GRIK5: variants seen among roughly 807,000 people sequenced by gnomAD.
The protein encoded by GRIK5 is glutamate ionotropic receptor kainate type subunit 5.
In GRIK5, 43 loss-of-function variants were observed where a neutral mutation model predicts 97.4. That is an observed-to-expected ratio of 0.44 (90% CI 0.35 to 0.57). The LOEUF (loss-of-function observed/expected upper bound fraction) is 0.57. GRIK5 is among the 20% of genes least tolerant of loss of function. GRIK5 has a pLI of 0.01. For synonymous variants in GRIK5, 580 were observed against 583.5 expected, an observed-to-expected ratio of 0.99 and a Z score of 0.09; for missense variants, 1,015 against 1,382.0, an observed-to-expected ratio of 0.73 and a Z score of 4.21.
rs767661419 is a variant in GRIK5 at position 42,042,520 on chromosome 19, A to T, written c.1473+32T>A. ...CCGCCCTCCCTCACTCGCCGGGTCC[A>T]TGCATCTTTCCCGGCCCCAGTCCAG... On this transcript the variant is annotated intron_variant, in intron 12 of 19. Coordinates refer to ENST00000593562, the MANE Select transcript of GRIK5 (RefSeq NM_002088.5). The surrounding 1 kb of genome is among the most constrained non-coding windows in gnomAD (Gnocchi z 6.9). 4 of 1,574,406 alleles carry T rather than the reference A, an allele frequency of 2.5e-6. No individual in the cohort carries two copies. Among genetic ancestry groups the T allele is most frequent in the African/African-American group, 2.7e-5 (2 of 74,260 alleles).
intron 15 of GRIK5, among the ~76,000 whole-genome samples, chr19:42,020,701 C>G (rs1008193125): frequency 6.6e-6 from 1 of 152,162 alleles, no homozygotes; most frequent in African/African-American, 2.4e-5. Flanking sequence ...ATCCTCACTG[C>G]TACACTCCCA....
intron 11 of GRIK5, among the ~76,000 whole-genome samples, chr19:42,046,639 G>T (rs1460293506): frequency 3.9e-5 from 6 of 152,042 alleles, no homozygotes; most frequent in Non-Finnish European, 5.9e-5. Context: ...AAATAGCAAG[G>T]TCTACAAGAT....
chr19:42,016,485 T>C (rs1364830355), intron 15 of GRIK5, among the ~76,000 whole-genome samples: 1 of 152,202 alleles, frequency 6.6e-6, no homozygotes, highest in African/African-American at 2.4e-5. Context: ...GTACACACCA[T>C]GCACCCTCTG....
chr19:42,009,503 C>T (rs1555873526), intron 15 of GRIK5, among the ~76,000 whole-genome samples: 1 of 151,352 alleles, frequency 6.6e-6, no homozygotes, highest in East Asian at 1.9e-4. Flanking sequence ...CGCGGTGGCT[C>T]ACGCCTGTAA....
At chr19:42,046,523 AAGTC>A (rs2076045157) in intron 11 of GRIK5, among the ~76,000 whole-genome samples, 1 of 152,206 alleles carries the variant, frequency 6.6e-6, no homozygotes, top group Admixed American at 6.5e-5. Context: ...AGGTCCAAGA[AAGTC>A]AGTGCAGCAT....
Position 42,069,787 on chromosome 19 carries a change from G to A in GRIK5, c.-597C>T, listed in dbSNP as rs2076398674. Among the ~76,000 whole-genome samples the A allele has an allele frequency of 6.6e-6, 1 of 151,974 alleles. No homozygotes were observed. Among genetic ancestry groups the A allele is most frequent in the South Asian group, 2.1e-4 (1 of 4,822 alleles). On this transcript the variant is annotated 5_prime_UTR_variant, in exon 1 of 20. Coordinates refer to ENST00000593562, the MANE Select transcript of GRIK5 (RefSeq NM_002088.5). ...CCCCCTGGAGCCTGGGCCCTGCCCT[G>A]GTTGAGGCAAGGGCCCGGAGTCCTC...
chr19:42,053,488 A>C lies in GRIK5; in HGVS notation c.1269+114T>G, dbSNP rs1282513023. ...TGGAGTTGCTGCGTGCAGGAATCCC[A>C]GCCCCCACTGGCCTATGCGCTGTGC... On this transcript the variant is annotated intron_variant, in intron 11 of 19. Coordinates refer to ENST00000593562, the MANE Select transcript of GRIK5 (RefSeq NM_002088.5). 6 of 669,352 alleles carry C rather than the reference A, an allele frequency of 9.0e-6. No homozygotes were observed. The East Asian group carries it at 1.3e-4, about 15-fold the overall frequency. 41.5% of individuals were successfully genotyped at this position (669,352 alleles called of 1,614,324 possible).
In GRIK5 at chr19:42,042,788, C is replaced by T. The variant is rs771503310; in HGVS notation, c.1270-33G>A. ...GGCAGAAGAAAGCAGGGGTCAGAGG[C>T]TGGGTGTCTAGTGGCTGGGTTGCGG... On this transcript the variant is annotated intron_variant, in intron 11 of 19. Transcript: ENST00000593562. The surrounding 1 kb of genome is among the most constrained non-coding windows in gnomAD (Gnocchi z 6.9). 6.4e-7 allele frequency: 1 copy of T among 1,571,002 alleles called. No homozygotes were observed. Among genetic ancestry groups the T allele is most frequent in the South Asian group, 1.1e-5 (1 of 88,652 alleles).
chr19:42,019,053 G>A (rs1222562614), intron 15 of GRIK5, among the ~76,000 whole-genome samples: 2 of 152,178 alleles, frequency 1.3e-5, no homozygotes, highest in African/African-American at 4.8e-5. Flanking sequence ...ACATGAGTGG[G>A]GGCTGTCTGG....
At chr19:42,017,471 G>A (rs2075638600) in intron 15 of GRIK5, among the ~76,000 whole-genome samples, 1 of 152,178 alleles carries the variant, frequency 6.6e-6, no homozygotes, top group African/African-American at 2.4e-5. Context: ...TGTGGAAAAG[G>A]ACGTATTAAA....
At chr19:42,008,686 A>G (rs1448258859) in intron 15 of GRIK5, among the ~76,000 whole-genome samples, 2 of 152,196 alleles carry the variant, frequency 1.3e-5, no homozygotes, top group African/African-American at 4.8e-5. Context: ...CAAGAGAAAA[A>G]TCACTCAATT....
rs776023475 is a variant in GRIK5, at chr19:42,021,342, G to A, written c.1830C>T (p.Ile610=). 1.9e-6 allele frequency: 3 copies of A among 1,613,422 alleles called. No homozygotes were observed. Among genetic ancestry groups the A allele is most frequent in the Non-Finnish European group, 1.7e-6 (2 of 1,179,924 alleles). The change falls in exon 15 of 20, where the codon ATC becomes ATT. Residue 610 remains isoleucine, a synonymous_variant. Coordinates refer to ENST00000593562, the MANE Select transcript of GRIK5 (RefSeq NM_002088.5). This position sits in a 1 kb window ranked among gnomAD's most constrained non-coding sequence, Gnocchi z 4.2. ...AGCGCGTGGACAGCGCCCGGGGCAT[G>A]ATCTCCGAGCCCTGCTGCATGAAGC... ...VGGFMQQGSE[I]MPRALSTRCV...
rs781154323 is a variant in GRIK5 at position 42,065,325 on chromosome 19, G to A, written c.142C>T (p.Arg48Trp). The change falls in exon 3 of 20, where the codon CGG (arginine) becomes TGG (tryptophan). Residue 48 changes from arginine to tryptophan, a missense_variant. By Grantham distance (101) the Arg-to-Trp change is moderately radical. Transcript: ENST00000593562. This position sits in a 1 kb window ranked among gnomAD's most constrained non-coding sequence, Gnocchi z 5.8. The part of the protein sequence containing the change: ...RGERLALALA[R>W]EQINGIIEVP... Reference sequence around the variant, plus strand: ...TCGATGATCCCGTTGATCTGCTCCCGGGCCAAGGCCAAGGCCAGACGCTCA... The same window carrying A: ...TCGATGATCCCGTTGATCTGCTCCCAGGCCAAGGCCAAGGCCAGACGCTCA... 4.3e-6 allele frequency: 7 copies of A among 1,611,498 alleles called. No individual in the cohort carries two copies. Among genetic ancestry groups the A allele is most frequent in the Non-Finnish European group, 4.2e-6 (5 of 1,179,184 alleles).
rs2075699844 is a variant in GRIK5, at chr19:42,021,725, G to T, written c.1697+222C>A. Among the ~76,000 whole-genome samples, 1 of 152,076 alleles carries T rather than the reference G, an allele frequency of 6.6e-6. No individual in the cohort carries two copies. Among genetic ancestry groups the T allele is most frequent in the Non-Finnish European group, 1.5e-5 (1 of 68,004 alleles). ...GAGGCAAAAAAGGGAGAGGCGGGAA[G>T]GGGAGAGACCTGAACAGAGAACCAC... is the stretch of plus-strand genomic sequence containing the variant. On this transcript the variant is annotated intron_variant, in intron 14 of 19. Coordinates refer to ENST00000593562, the MANE Select transcript of GRIK5 (RefSeq NM_002088.5). The surrounding 1 kb of genome is among the most constrained non-coding windows in gnomAD (Gnocchi z 4.2).
Position 42,021,590 on chromosome 19 carries a change from G to A in GRIK5, c.1698-116C>T, listed in dbSNP as rs1252339473. ...GAAAGGGGGAGAGATGGAAAAAGGA[G>A]CAAGATGGACAGAAGCACACAGAGA... On this transcript the variant is annotated intron_variant, in intron 14 of 19. Transcript: ENST00000593562. The surrounding 1 kb of genome is among the most constrained non-coding windows in gnomAD (Gnocchi z 4.2). 6.2e-6 allele frequency: 5 copies of A among 801,912 alleles called. No homozygotes were observed. In the East Asian group the frequency reaches 8.3e-5, roughly 13 times the overall value. The allele number at this position is 801,912 out of a possible 1,614,324, so 49.7% of individuals were successfully genotyped here.
chr19:42,060,643 T>A (rs1410714671), intron 5 of GRIK5, among the ~76,000 whole-genome samples: 1 of 151,892 alleles, frequency 6.6e-6, no homozygotes, highest in Non-Finnish European at 1.5e-5. Flanking sequence ...CTCTCTGGGC[T>A]TGAGCCACAC....
Position 42,031,640 on chromosome 19 carries a change from T to C in GRIK5, c.1474-9286A>G, listed in dbSNP as rs75433859. 3.2e-4 allele frequency among the ~76,000 whole-genome samples: 48 copies of C among 152,266 alleles called. 1 individual carries two copies. The East Asian group carries it at 8.7e-3, about 28-fold the overall frequency. On this transcript the variant is annotated intron_variant, in intron 12 of 19. Transcript: ENST00000593562. ...CATCCATGAAAATGACAGGGAGTTGTCTAAGTAGCTAAAAGCCGATAAAAA... is the reference window on the plus strand; with the variant it reads ...CATCCATGAAAATGACAGGGAGTTGCCTAAGTAGCTAAAAGCCGATAAAAA...
In GRIK5 at chr19:42,003,726, C is replaced by A; in HGVS notation, c.2264-43G>T. On this transcript the variant is annotated intron_variant, in intron 17 of 19. Transcript: ENST00000593562. This position sits in a 1 kb window ranked among gnomAD's most constrained non-coding sequence, Gnocchi z 4.2. ...GGGCTGGACCAGCCATCGGGCCCTG[C>A]AGCCCTGACCGCCCCAAACCCCAAA... The A allele has an allele frequency of 6.5e-7, 1 of 1,537,370 alleles. No homozygotes were observed. The highest frequency in any genetic ancestry group is 8.7e-7 in the Non-Finnish European group (1 of 1,143,578).
intron 11 of GRIK5, among the ~76,000 whole-genome samples, chr19:42,049,010 C>T (rs1384481792): frequency 3.3e-5 from 5 of 152,142 alleles, no homozygotes; most frequent in African/African-American, 7.2e-5. Context: ...CACTGCACTC[C>T]AGCCTGGGTA....
Sources: gnomAD v4.1 joint callset for allele counts (sites outside exome capture counted in the v4.1 genomes callset) on GRCh38, gnomAD v4.1.1 for gene constraint, Gnocchi (gnomAD v3.1) non-coding constraint, MANE v1.5 for transcripts, NCBI Gene and HGNC (gene_info 2026-07-23, HGNC 2026-07-21) for gene names.